The following SNX29 variants were observed in gnomAD, a reference collection of about 807,000 sequenced individuals.
SNX29 encodes sorting nexin 29, also known as sorting nexin-29.
In SNX29, 78 loss-of-function variants were observed where a neutral mutation model predicts 102.1. That is an observed-to-expected ratio of 0.76 (90% confidence interval 0.64 to 0.92). The LOEUF is 0.92. Among genes scored for constraint, SNX29 ranks in the 40% least tolerant of loss-of-function variants. The pLI, the probability that SNX29 is intolerant of heterozygous loss-of-function variation, is 0.00. For missense variants in SNX29, 1,280 were observed against 1,061.7 expected, an observed-to-expected ratio of 1.21 and a Z score of -2.86; for synonymous variants, 580 against 414.5, an observed-to-expected ratio of 1.40 and a Z score of -4.85.
chr16:12,398,658 C>T (rs528039287), intron 17 of SNX29, among the ~76,000 whole-genome samples, 157 bp downstream of exon 17: 2 of 151,924 alleles, frequency 1.3e-5, no homozygotes, highest in South Asian at 2.1e-4. Context: ...CGCTCTCCTA[C>T]AGCCTCAGTC....
chr16:12,286,276 T>C (rs961816645), intron 15 of SNX29, among the ~76,000 whole-genome samples: 2 of 152,206 alleles, frequency 1.3e-5, no homozygotes, highest in Non-Finnish European at 2.9e-5. Flanking sequence ...TAAGAAGTTA[T>C]AGTTTCTAGC....
chr16:12,287,217 AG>A (rs2079626896), intron 15 of SNX29, among the ~76,000 whole-genome samples: 2 of 152,228 alleles, frequency 1.3e-5, no homozygotes, highest in African/African-American at 4.8e-5. Context: ...TGGGAAAGTG[AG>A]GGATTTGGAG....
intron 11 of SNX29, among the ~76,000 whole-genome samples, chr16:12,102,730 G>T (rs896147981): frequency 2.0e-5 from 3 of 152,104 alleles, no homozygotes; most frequent in Admixed American, 6.6e-5. Flanking sequence ...GCAAGAAAAA[G>T]AAATAAAGGG....
intron 14 of SNX29, among the ~76,000 whole-genome samples, chr16:12,251,084 C>T (rs1019759867): frequency 6.6e-6 from 1 of 152,218 alleles, no homozygotes; most frequent in African/African-American, 2.4e-5. Context: ...CAAGATCCTG[C>T]TTTGTTGGGA....
intron 20 of SNX29, chr16:12,546,533 C>T (rs1355201151): frequency 6.6e-6 from 1 of 152,176 alleles, no homozygotes; most frequent in Non-Finnish European, 1.5e-5. Flanking sequence ...CCAATGGGTC[C>T]CTCCCATGAT....
At chr16:12,262,175 C>T (rs372173394) in intron 14 of SNX29, among the ~76,000 whole-genome samples, 9 of 152,286 alleles carry the variant, frequency 5.9e-5, no homozygotes, top group East Asian at 3.9e-4. Flanking sequence ...GGTCTGTGCA[C>T]GTGTCCCAGC....
At chr16:12,223,820 G>C (rs1285147499) in intron 14 of SNX29, among the ~76,000 whole-genome samples, 1 of 152,218 alleles carries the variant, frequency 6.6e-6, no homozygotes, top group African/African-American at 2.4e-5. Flanking sequence ...TGTATTGAGG[G>C]CTTACTTTTT....
intron 11 of SNX29, among the ~76,000 whole-genome samples, chr16:12,122,085 G>A: frequency 6.6e-6 from 1 of 152,194 alleles, no homozygotes; most frequent in East Asian, 1.9e-4. Flanking sequence ...CAAAGTGCTG[G>A]CATCACAGGC....
At chr16:12,222,355 C>T (rs991303528) in intron 14 of SNX29, among the ~76,000 whole-genome samples, 2 of 152,236 alleles carry the variant, frequency 1.3e-5, no homozygotes, top group Non-Finnish European at 2.9e-5. Flanking sequence ...AGCCCATCCT[C>T]TAAGCCTCTC....
chr16:12,256,383 G>T (rs1314491824), intron 14 of SNX29, among the ~76,000 whole-genome samples: 1 of 152,098 alleles, frequency 6.6e-6, no homozygotes, highest in African/African-American at 2.4e-5. Context: ...GTCTCATTCT[G>T]TCATGCAGAT....
At chr16:12,139,980 CA>C (rs59169166) in intron 13 of SNX29, among the ~76,000 whole-genome samples, 92 of 88,558 alleles carry the variant, frequency 1.0e-3, no homozygotes, top group South Asian at 5.5e-3. Context: ...TACCCTGTCT[CA>C]AAAAAAAAAA....
intron 13 of SNX29, among the ~76,000 whole-genome samples, chr16:12,158,608 A>T (rs1446356104): frequency 3.3e-5 from 5 of 152,220 alleles, no homozygotes; most frequent in African/African-American, 9.6e-5. Flanking sequence ...GGCCAAGCTC[A>T]CATTAGTTCT....
At chr16:12,334,571 A>C (rs2081389731) in intron 15 of SNX29, among the ~76,000 whole-genome samples, 1 of 152,212 alleles carries the variant, frequency 6.6e-6, no homozygotes, top group African/African-American at 2.4e-5. Context: ...ATCAAAGATA[A>C]GAATCTGGCA....
chr16:12,561,504 A>G (rs2078721867), intron 20 of SNX29, among the ~76,000 whole-genome samples: 1 of 152,170 alleles, frequency 6.6e-6, no homozygotes, highest in South Asian at 2.1e-4. Flanking sequence ...CCCAGATCAC[A>G]GGTGAAACAA....
At chr16:12,152,182 T>C (rs2055330782) in intron 13 of SNX29, among the ~76,000 whole-genome samples, 1 of 151,910 alleles carries the variant, frequency 6.6e-6, no homozygotes, top group African/African-American at 2.4e-5. Context: ...GACTGTGCCG[T>C]TGCACTCCAG....
chr16:12,551,130 T>A (rs1008484078), intron 20 of SNX29, among the ~76,000 whole-genome samples: 5 of 152,194 alleles, frequency 3.3e-5, no homozygotes, highest in Middle Eastern at 3.4e-3. Context: ...GGAACAGTGG[T>A]CCACAGCTGC....
intron 3 of SNX29, among the ~76,000 whole-genome samples, chr16:12,011,808 A>G: frequency 6.6e-6 from 1 of 152,086 alleles, no homozygotes; most frequent in East Asian, 1.9e-4. Flanking sequence ...GTAATTTTGG[A>G]CTGACTTAGC....
chr16:12,333,992 G>A lies in SNX29; in HGVS notation c.1783-22171G>A, dbSNP rs1384692693. Among the ~76,000 whole-genome samples the A allele has an allele frequency of 3.9e-5, 6 of 152,146 alleles. No homozygotes were observed. In the East Asian group the frequency reaches 9.6e-4, roughly 24 times the overall value. On this transcript the variant is annotated intron_variant, in intron 15 of 20. Transcript: ENST00000566228. ...ATGGGGATGTTCCTTGTCTTCCCCT[G>A]TGGCTGATGGGTGTGTTTGTTAAAT...
intron 18 of SNX29, chr16:12,443,040 A>T (rs1446441760): frequency 2.2e-6 from 1 of 455,988 alleles, no homozygotes; most frequent in Non-Finnish European, 4.4e-6. Flanking sequence ...GGCCGTATGA[A>T]AACAGCCAGC....
Sources: allele counts gnomAD v4.1 joint callset (sites outside exome capture counted in the v4.1 genomes callset), GRCh38; gene constraint gnomAD v4.1.1; transcripts MANE v1.5; gene names NCBI Gene and HGNC (gene_info 2026-07-23, HGNC 2026-07-21).